Variants in RGL1 observed in about 807,000 individuals in gnomAD.
RGL1 encodes the protein ral guanine nucleotide dissociation stimulator-like 1.
In RGL1, 24 loss-of-function variants were observed where a neutral mutation model predicts 95.2. The observed-to-expected ratio is 0.25, with a 90% CI of 0.18 to 0.35. The LOEUF is 0.35. Ranked by LOEUF, RGL1 falls within the 10% of genes least tolerant of loss-of-function variation. RGL1 has a pLI of 1.00. For missense variants in RGL1, 715 were observed against 936.3 expected (o/e 0.76, Z 3.08); for synonymous variants, 329 against 344.9 (o/e 0.95, Z 0.51).
At chr1:183,782,931 T>G (rs1386254858) in intron 2 of RGL1, among the ~76,000 whole-genome samples, 1 of 152,052 alleles carries the variant, frequency 6.6e-6, no homozygotes, top group Non-Finnish European at 1.5e-5. Context: ...GATGCAAGAA[T>G]CAACTTTGCC....
At chr1:183,815,065 A>T (rs1210790801) in intron 2 of RGL1, among the ~76,000 whole-genome samples, 1 of 152,194 alleles carries the variant, frequency 6.6e-6, no homozygotes, top group Non-Finnish European at 1.5e-5. Flanking sequence ...TGAGGTCAAG[A>T]GTTCAAGACC....
At chr1:183,895,690 C>T (rs547831262) in intron 9 of RGL1, among the ~76,000 whole-genome samples, 22 of 152,210 alleles carry the variant, frequency 1.4e-4, no homozygotes, top group East Asian at 7.7e-4. Flanking sequence ...TGGTGTTGTG[C>T]GACATTGCAG....
intron 2 of RGL1, among the ~76,000 whole-genome samples, chr1:183,786,627 A>G (rs1468079746): frequency 6.6e-6 from 1 of 152,196 alleles, no homozygotes; most frequent in African/African-American, 2.4e-5. Context: ...CTCAATCTCT[A>G]CTAATGAGTA....
rs180732648 is a variant in RGL1 at position 183,669,720 on chromosome 1, G to A, written c.-33+33219G>A. ...GCTATGAAGAAATACCTGAGACTGCGTAATTTATAAATAAAAAGAGGTTTA... is the reference window on the plus strand; with the variant it reads ...GCTATGAAGAAATACCTGAGACTGCATAATTTATAAATAAAAAGAGGTTTA... On this transcript the variant is annotated intron_variant, in intron 1 of 18. Coordinates refer to the RGL1 transcript ENST00000304685. 1.3e-4 allele frequency among the ~76,000 whole-genome samples: 20 copies of A among 152,274 alleles called. No homozygotes were observed. In the East Asian group the frequency reaches 3.1e-3, roughly 23 times the overall value.
intron 4 of RGL1, among the ~76,000 whole-genome samples, chr1:183,876,420 C>T (rs1261046645): frequency 6.6e-6 from 1 of 152,234 alleles, no homozygotes; most frequent in Non-Finnish European, 1.5e-5. Context: ...TGGTTGTCTC[C>T]TCTGCTATCA....
intron 1 of RGL1, among the ~76,000 whole-genome samples, chr1:183,728,520 G>T (rs1024964133): frequency 6.6e-6 from 1 of 151,588 alleles, no homozygotes; most frequent in Non-Finnish European, 1.5e-5. Flanking sequence ...TTAAGAATAT[G>T]TAAATGTATT....
chr1:183,695,113 A>C (rs1211607741), intron 1 of RGL1, among the ~76,000 whole-genome samples: 1 of 152,242 alleles, frequency 6.6e-6, no homozygotes, highest in Non-Finnish European at 1.5e-5. Flanking sequence ...GACACAGTTC[A>C]TGTGTGGAGT....
At chr1:183,716,033 TG>T (rs1655605238) in intron 1 of RGL1, among the ~76,000 whole-genome samples, 1 of 152,190 alleles carries the variant, frequency 6.6e-6, no homozygotes, top group African/African-American at 2.4e-5. Context: ...CACATTGGGG[TG>T]GGCAATCTGC....
intron 15 of RGL1, among the ~76,000 whole-genome samples, chr1:183,915,618 CTTA>C (rs1399932236): frequency 1.8e-4 from 28 of 152,224 alleles, no homozygotes; most frequent in Non-Finnish European, 2.9e-5. Context: ...TATTCTGAAT[CTTA>C]TTCTCCTCGT....
intron 4 of RGL1, among the ~76,000 whole-genome samples, chr1:183,869,224 C>T (rs1666021376): frequency 6.6e-6 from 1 of 152,122 alleles, no homozygotes; most frequent in South Asian, 2.1e-4. Flanking sequence ...GAAAATTGCA[C>T]CCTGGGTATG....
At chr1:183,902,686 GAAA>G (rs754818110) in intron 12 of RGL1, 86 bp downstream of exon 12, 2 of 1,314,714 alleles carry the variant, frequency 1.5e-6, no homozygotes, top group Admixed American at 4.1e-5. Flanking sequence ...TGTAGAGGCA[GAAA>G]AAAATGAGTT....
At chr1:183,655,504 A>C (rs896649582) in intron 1 of RGL1, among the ~76,000 whole-genome samples, 6 of 152,252 alleles carry the variant, frequency 3.9e-5, no homozygotes, top group African/African-American at 1.4e-4. Context: ...TTAGAAAGCA[A>C]GCTTCAAGTA....
rs140128060 is a variant in RGL1, at chr1:183,851,879, A to G, written c.347+4105A>G. On this transcript the variant is annotated intron_variant, in intron 3 of 17. Coordinates refer to ENST00000360851, the MANE Select transcript of RGL1 (RefSeq NM_001297671.3). ...TTGGTTGTTGAGACTTTTAATGTCTATAATTAAGAGGAAGCAATTATGTTG... is the reference window on the plus strand; with the variant it reads ...TTGGTTGTTGAGACTTTTAATGTCTGTAATTAAGAGGAAGCAATTATGTTG... Among the ~76,000 whole-genome samples, 314 of 152,372 alleles carry G rather than the reference A, an allele frequency of 2.1e-3. 4 individuals are homozygous for G. The highest frequency in any genetic ancestry group is 3.7e-3 in the Non-Finnish European group (249 of 68,034).
chr1:183,862,781 TGTTGGGTGCCAGGCACTAAAGA>T lies in RGL1; in HGVS notation c.348-3202_348-3181del, dbSNP rs1350502533. Among the ~76,000 whole-genome samples the T allele has an allele frequency of 3.9e-5, 6 of 152,178 alleles. No homozygotes were observed. In the East Asian group the frequency reaches 9.6e-4, roughly 24 times the overall value. ...TAGCAACAGGTAGCTATTGCATGCC[TGTTGGGTGCCAGGCACTAAAGA>T]GTTGGGTGCCAGCTCTAAAGAGTAG... On this transcript the variant is annotated intron_variant, in intron 3 of 17. Coordinates refer to ENST00000360851, the MANE Select transcript of RGL1 (RefSeq NM_001297671.3).
At chr1:183,759,289 C>T (rs530085704) in intron 2 of RGL1, among the ~76,000 whole-genome samples, 9 of 152,116 alleles carry the variant, frequency 5.9e-5, no homozygotes, top group Admixed American at 2.6e-4. Context: ...AGGCATGCCA[C>T]GGCAGGGAGA....
Position 183,841,460 on chromosome 1 carries a change from A to G in RGL1, c.139-6106A>G, listed in dbSNP as rs560556398. 3.0e-4 allele frequency among the ~76,000 whole-genome samples: 45 copies of G among 152,350 alleles called. No homozygotes were observed. The South Asian group carries it at 9.3e-3, about 32-fold the overall frequency. ...TTAGGTTAGCACAAAGGTGATTGTG[A>G]CAAGTTTTGGTTTAAGTTTTGTTAA... On this transcript the variant is annotated intron_variant, in intron 2 of 17. Coordinates refer to ENST00000360851, the MANE Select transcript of RGL1 (RefSeq NM_001297671.3).
intron 10 of RGL1, among the ~76,000 whole-genome samples, chr1:183,898,806 A>G (rs981489391): frequency 7.2e-5 from 11 of 152,234 alleles, no homozygotes; most frequent in African/African-American, 2.7e-4. Context: ...TTCCTGAAGG[A>G]CAAAACCCTC....
At chr1:183,808,570 C>A (rs757921026) in intron 2 of RGL1, among the ~76,000 whole-genome samples, 2 of 152,194 alleles carry the variant, frequency 1.3e-5, no homozygotes, top group African/African-American at 4.8e-5. Flanking sequence ...TGAGCCATAG[C>A]AATTACAAAC....
intron 1 of RGL1, among the ~76,000 whole-genome samples, chr1:183,666,005 C>CT (rs746295660): frequency 0.065 from 8,544 of 130,646 alleles, 487 homozygotes; most frequent in African/African-American, 0.15. Flanking sequence ...TTCTTTTTTT[C>CT]TTTTTTTTTT....
Sources: allele counts gnomAD v4.1 joint callset (sites outside exome capture counted in the v4.1 genomes callset), GRCh38; gene constraint gnomAD v4.1.1; transcripts MANE v1.5; gene names NCBI Gene and HGNC (gene_info 2026-07-23, HGNC 2026-07-21).